Variants in AGBL4 observed in about 807,000 individuals in gnomAD.
AGBL4 encodes the protein cytosolic carboxypeptidase 6.
Under a neutral mutation model 66.4 loss-of-function variants are expected in AGBL4, and 58 were observed. That is an observed-to-expected ratio of 0.87 (90% CI 0.71 to 1.09). The LOEUF (loss-of-function observed/expected upper bound fraction) is 1.09, where lower values mean the gene tolerates loss of function less well. AGBL4 is among the 50% of genes least tolerant of loss of function. AGBL4 has a pLI of 0.00. For synonymous variants in AGBL4, 234 were observed against 222.9 expected, an observed-to-expected ratio of 1.05 and a Z score of -0.44; for missense variants, 579 against 631.0, an observed-to-expected ratio of 0.92 and a Z score of 0.88.
At chr1:49,544,036 T>A (rs1275639158) in intron 3 of AGBL4, among the ~76,000 whole-genome samples, 1 of 152,168 alleles carries the variant, frequency 6.6e-6, no homozygotes. Context: ...ATATGTAGCA[T>A]GAATGACACT....
At chr1:49,348,931 T>C (rs919818842) in intron 3 of AGBL4, among the ~76,000 whole-genome samples, 1 of 152,198 alleles carries the variant, frequency 6.6e-6, no homozygotes. Flanking sequence ...AAGTTAATGA[T>C]AGCAAACCTA....
chr1:49,192,903 C>T (rs1395629472), intron 4 of AGBL4, among the ~76,000 whole-genome samples: 9 of 152,182 alleles, frequency 5.9e-5, no homozygotes, highest in Non-Finnish European at 2.9e-5. Context: ...ATTTCCTACT[C>T]ATTATTGGTC....
intron 3 of AGBL4, among the ~76,000 whole-genome samples, chr1:49,333,028 T>C (rs1645364577): frequency 6.6e-6 from 1 of 152,194 alleles, no homozygotes; most frequent in South Asian, 2.1e-4. Context: ...AATGATGAGC[T>C]TTTTTTCATA....
At chr1:49,651,860 C>G (rs1244991438) in intron 3 of AGBL4, among the ~76,000 whole-genome samples, 1 of 151,782 alleles carries the variant, frequency 6.6e-6, no homozygotes, top group Non-Finnish European at 1.5e-5. Context: ...TGGATCCTGA[C>G]CAAAATTAAA....
intron 6 of AGBL4, chr1:48,727,880 CA>C (rs565530672): frequency 8.1e-6 from 13 of 1,599,710 alleles, no homozygotes; most frequent in Non-Finnish European, 1.1e-5. Context: ...ATGAAAAATC[CA>C]AAGTTTATTG....
chr1:48,526,792 TG>T, the AGBL4 span, among the ~76,000 whole-genome samples: 1 of 151,714 alleles, frequency 6.6e-6, no homozygotes, highest in African/African-American at 2.4e-5. Flanking sequence ...CAGCAACAAT[TG>T]TTATGATGTT....
chr1:48,567,616 G>A (rs1644497033), intron 11 of AGBL4, among the ~76,000 whole-genome samples: 1 of 152,198 alleles, frequency 6.6e-6, no homozygotes, highest in Non-Finnish European at 1.5e-5. Flanking sequence ...TCCTCAGACA[G>A]TATATTACGA....
intron 6 of AGBL4, among the ~76,000 whole-genome samples, chr1:48,756,629 C>T (rs1352627179): frequency 6.6e-6 from 1 of 152,310 alleles, no homozygotes; most frequent in East Asian, 1.9e-4. Flanking sequence ...TGAATCCAAG[C>T]CGTGAAAACA....
At chr1:48,796,516 T>C (rs1645677839) in intron 6 of AGBL4, among the ~76,000 whole-genome samples, 1 of 152,124 alleles carries the variant, frequency 6.6e-6, no homozygotes, top group South Asian at 2.1e-4. Context: ...ATTAGTATTG[T>C]CTTGGAAGGA....
chr1:49,106,606 C>A (rs1003327341), intron 4 of AGBL4, among the ~76,000 whole-genome samples: 4 of 152,126 alleles, frequency 2.6e-5, no homozygotes, highest in African/African-American at 9.7e-5. Context: ...TAAGCAAGGA[C>A]CCATTCCTTC....
chr1:49,686,028 T>C (rs1332406331), intron 3 of AGBL4, among the ~76,000 whole-genome samples: 1 of 152,124 alleles, frequency 6.6e-6, no homozygotes, highest in Non-Finnish European at 1.5e-5. Context: ...TTTATAGTCT[T>C]AGGTTGTATA....
chr1:49,650,011 G>T (rs1645969423), intron 3 of AGBL4, among the ~76,000 whole-genome samples: 1 of 152,150 alleles, frequency 6.6e-6, no homozygotes, highest in South Asian at 2.1e-4. Flanking sequence ...GAAAATTACA[G>T]TATTGAAGGC....
chr1:48,763,288 T>A (rs1291309078), intron 6 of AGBL4, among the ~76,000 whole-genome samples: 1 of 152,218 alleles, frequency 6.6e-6, no homozygotes, highest in South Asian at 2.1e-4. Flanking sequence ...ATTCTTGCAC[T>A]CATTGTGCCT....
chr1:50,020,652 T>C (rs1662377486), intron 1 of AGBL4, among the ~76,000 whole-genome samples: 1 of 152,192 alleles, frequency 6.6e-6, no homozygotes, highest in East Asian at 1.9e-4. Flanking sequence ...CTGGGTAACA[T>C]TTAAATTGTC....
chr1:49,909,432 G>A (rs1399706309), intron 1 of AGBL4, among the ~76,000 whole-genome samples: 4 of 152,106 alleles, frequency 2.6e-5, no homozygotes, highest in Non-Finnish European at 4.4e-5. Flanking sequence ...GTAAGGGGAC[G>A]TAAGCCATGT....
At chr1:49,260,957 A>G (rs1041618766) in intron 3 of AGBL4, among the ~76,000 whole-genome samples, 1 of 149,422 alleles carries the variant, frequency 6.7e-6, no homozygotes, top group Non-Finnish European at 1.5e-5. Flanking sequence ...AAGCTTATCC[A>G]CCATGATCAA....
At chr1:49,444,356 G>A (rs1045092719) in intron 3 of AGBL4, among the ~76,000 whole-genome samples, 5 of 151,930 alleles carry the variant, frequency 3.3e-5, no homozygotes, top group African/African-American at 7.2e-5. Context: ...TGAGAGTGTG[G>A]AGTTAAAGTC....
intron 4 of AGBL4, among the ~76,000 whole-genome samples, chr1:49,241,580 T>C (rs1240267680): frequency 6.6e-6 from 1 of 152,068 alleles, no homozygotes; most frequent in African/African-American, 2.4e-5. Context: ...ATGTTTAGCA[T>C]AGTAGACTAT....
In AGBL4 at chr1:49,838,888, T is replaced by C. The variant is rs75395401; in HGVS notation, c.157+12508A>G. ...ATATTTAATAAGATGATGTGTCTCC[T>C]TTTGTGATTATTTTACTACTAAAGC... On this transcript the variant is annotated intron_variant, in intron 2 of 13. Transcript: ENST00000371839. Among the ~76,000 whole-genome samples the C allele has an allele frequency of 8.6e-3, 1,307 of 152,298 alleles. 12 individuals carry two copies. Among genetic ancestry groups the C allele is most frequent in the Middle Eastern group, 0.014 (4 of 294 alleles).
Sources: allele counts gnomAD v4.1 joint callset (sites outside exome capture counted in the v4.1 genomes callset), GRCh38; gene constraint gnomAD v4.1.1; transcripts MANE v1.5; gene names NCBI Gene and HGNC (gene_info 2026-07-23, HGNC 2026-07-21).